Variants in CCDC66 observed in about 807,000 individuals in gnomAD.
CCDC66 encodes coiled-coil domain containing 66.
Under a neutral mutation model 128.3 loss-of-function variants are expected in CCDC66, and 133 were observed. The ratio of observed to expected loss-of-function variants is 1.04; its 90% confidence interval spans 0.90 to 1.20. CCDC66 has a LOEUF of 1.20. Among genes scored for constraint, CCDC66 ranks in the 50% most tolerant of loss-of-function variants. The pLI is 0.00. For synonymous variants in CCDC66, 387 were observed against 357.0 expected (o/e 1.08, Z -0.95); for missense variants, 1,126 against 1,075.5 (o/e 1.05, Z -0.66).
At chr3:56,563,339 C>A (rs905937702) in intron 3 of CCDC66, among the ~76,000 whole-genome samples, 8 of 143,770 alleles carry the variant, frequency 5.6e-5, no homozygotes, top group Non-Finnish European at 1.2e-4. Flanking sequence ...CCAGCCTGGG[C>A]AACAGAGTGA....
At chr3:56,598,993 T>C (rs575454868) in intron 10 of CCDC66, among the ~76,000 whole-genome samples, 1 of 152,096 alleles carries the variant, frequency 6.6e-6, no homozygotes, top group South Asian at 2.1e-4. Context: ...TTGGGAAGAA[T>C]TGGTTAGTTC....
intron 1 of CCDC66, 191 bp from the exon 2 acceptor site, chr3:56,558,655 T>C: frequency 1.7e-6 from 1 of 602,794 alleles, no homozygotes; most frequent in African/African-American, 1.9e-5. Context: ...TTTCAAGAAT[T>C]TTCCCCCTGT....
chr3:56,593,252 T>A, intron 8 of CCDC66, 151 bp downstream of exon 8: 1 of 786,048 alleles, frequency 1.3e-6, no homozygotes, highest in Non-Finnish European at 2.0e-6. Context: ...TTGAATGCAT[T>A]ATGTGATGTT....
At chr3:56,561,810 T>G (rs1279421807) in intron 3 of CCDC66, among the ~76,000 whole-genome samples, 2 of 152,230 alleles carry the variant, frequency 1.3e-5, no homozygotes, top group African/African-American at 2.4e-5. Flanking sequence ...TATTCATGAA[T>G]TATCTCTGCA....
In CCDC66 at chr3:56,563,856, C is replaced by G. The variant is rs1347889467; in HGVS notation, c.275C>G (p.Thr92Ser). The G allele has an allele frequency of 6.3e-7, 1 of 1,590,672 alleles. No homozygotes were observed. Among genetic ancestry groups the G allele is most frequent in the African/African-American group, 1.3e-5 (1 of 74,152 alleles). The change falls in exon 4 of 18, where the codon ACT (threonine) becomes AGT (serine). Residue 92 changes from threonine to serine, a missense_variant. Physicochemically the swap from Thr to Ser is moderately conservative, Grantham distance 58 (BLOSUM62 1). Transcript: ENST00000394672. ...GEKNGMTFSS[T>S]KDLCKQCIDK... ...AAAAATGGAATGACTTTTTCATCCACTAAGGATTTATGTAAACAATGTATA... is the reference window on the plus strand; with the variant it reads ...AAAAATGGAATGACTTTTTCATCCAGTAAGGATTTATGTAAACAATGTATA...
At chr3:56,615,793 T>C in intron 12 of CCDC66, 129 bp from the exon 13 acceptor site, 1 of 697,896 alleles carries the variant, frequency 1.4e-6, no homozygotes. Flanking sequence ...GTGGGTACTT[T>C]TTGTAAGAAA....
At chr3:56,564,637 G>A (rs561270678) in intron 4 of CCDC66, among the ~76,000 whole-genome samples, 2 of 152,206 alleles carry the variant, frequency 1.3e-5, no homozygotes, top group Non-Finnish European at 2.9e-5. Flanking sequence ...GGAAGGAACA[G>A]TAGAGTGTTA....
At chr3:56,559,331 T>C (rs905234777) in intron 2 of CCDC66, among the ~76,000 whole-genome samples, 1 of 152,168 alleles carries the variant, frequency 6.6e-6, no homozygotes, top group African/African-American at 2.4e-5. Context: ...TACCTTCTCC[T>C]TCGCATTTTT....
intron 7 of CCDC66, among the ~76,000 whole-genome samples, chr3:56,591,298 G>A (rs1351113978): frequency 6.6e-6 from 1 of 152,094 alleles, no homozygotes; most frequent in Non-Finnish European, 1.5e-5. Flanking sequence ...AATTTTTAAG[G>A]GTAATTTTAA....
At chr3:56,582,884 T>TATG (rs1480838848) in intron 7 of CCDC66, among the ~76,000 whole-genome samples, 3 of 147,230 alleles carry the variant, frequency 2.0e-5, no homozygotes, top group African/African-American at 7.4e-5. Flanking sequence ...TTATTATTAT[T>TATG]ATTATTATTA....
At chr3:56,589,274 C>T (rs1372689050) in intron 7 of CCDC66, among the ~76,000 whole-genome samples, 6 of 152,102 alleles carry the variant, frequency 3.9e-5, no homozygotes, top group South Asian at 2.1e-4. Context: ...ATGGTACTAT[C>T]TTTATTAATG....
At chr3:56,606,006 G>T (rs2074016591) in intron 10 of CCDC66, among the ~76,000 whole-genome samples, 1 of 152,102 alleles carries the variant, frequency 6.6e-6, no homozygotes, top group African/African-American at 2.4e-5. Context: ...TCTGGCCACA[G>T]CAGCCTTGCT....
intron 10 of CCDC66, among the ~76,000 whole-genome samples, chr3:56,597,031 A>T (rs1047202741): frequency 6.6e-6 from 1 of 151,048 alleles, no homozygotes; most frequent in East Asian, 1.9e-4. Flanking sequence ...AAGTGCTAGG[A>T]TTACAGGCAT....
At chr3:56,567,393 A>G (rs558702367) in intron 6 of CCDC66, among the ~76,000 whole-genome samples, 1 of 152,202 alleles carries the variant, frequency 6.6e-6, no homozygotes, top group Non-Finnish European at 1.5e-5. Flanking sequence ...CATCTCAAAT[A>G]AATAAATAAA....
At chr3:56,562,629 T>A (rs946797247) in intron 3 of CCDC66, among the ~76,000 whole-genome samples, 1 of 151,860 alleles carries the variant, frequency 6.6e-6, no homozygotes, top group African/African-American at 2.4e-5. Context: ...GTAGCACATT[T>A]TATATATATA....
rs142019048 is a variant in CCDC66, at chr3:56,612,845, G to A, written c.1405-744G>A. Among the ~76,000 whole-genome samples the A allele has an allele frequency of 1.4e-4, 22 of 152,332 alleles. 1 individual carries two copies. The highest frequency in any genetic ancestry group is 3.4e-3 in the Middle Eastern group (1 of 294). ...GTGCTTGGTTACTGGTGGAGATGCA[G>A]CAAGGCTGGGCAGACCTGCCCCCGG... On this transcript the variant is annotated intron_variant, in intron 10 of 17. Coordinates refer to ENST00000394672, the MANE Select transcript of CCDC66 (RefSeq NM_001141947.3).
intron 10 of CCDC66, among the ~76,000 whole-genome samples, chr3:56,606,263 C>T (rs1375315942): frequency 6.6e-6 from 1 of 152,062 alleles, no homozygotes; most frequent in Non-Finnish European, 1.5e-5. Flanking sequence ...CTGGCTTCCG[C>T]CCCCTTTCCA....
At chr3:56,557,759 G>A (rs1231084199) in intron 1 of CCDC66, 1 of 154,072 alleles carries the variant, frequency 6.5e-6, no homozygotes, top group African/African-American at 2.4e-5. Flanking sequence ...TCCTTAAGTA[G>A]GGGTGAATAA....
chr3:56,584,441 C>T (rs1411701095), intron 7 of CCDC66, among the ~76,000 whole-genome samples: 1 of 151,348 alleles, frequency 6.6e-6, no homozygotes, highest in Non-Finnish European at 1.5e-5. Context: ...AGACGCTCCT[C>T]ACCTCCCAGA....
Sources: allele counts gnomAD v4.1 joint callset (sites outside exome capture counted in the v4.1 genomes callset), GRCh38; gene constraint gnomAD v4.1.1; transcripts MANE v1.5; gene names NCBI Gene and HGNC (gene_info 2026-07-23, HGNC 2026-07-21).